The following CNTNAP2 variants were observed in gnomAD, a reference collection of about 807,000 sequenced individuals.
CNTNAP2 encodes the protein contactin associated protein 2.
A neutral mutation model predicts 155.2 loss-of-function variants in CNTNAP2; 98 were observed. That is an observed-to-expected ratio of 0.63 (90% CI 0.54 to 0.75). The LOEUF (loss-of-function observed/expected upper bound fraction) is 0.75. Among genes scored for constraint, CNTNAP2 ranks in the 30% least tolerant of loss-of-function variants. The probability of loss-of-function intolerance (pLI) is 0.00; values close to 1 mark genes in which losing one functional copy is unlikely to be tolerated. For missense variants in CNTNAP2, 1,727 were observed against 1,688.1 expected, an observed-to-expected ratio of 1.02 and a Z score of -0.40; for synonymous variants, 651 against 631.2, an observed-to-expected ratio of 1.03 and a Z score of -0.47.
chr7:146,547,702 A>G (rs1584975472), intron 1 of CNTNAP2, among the ~76,000 whole-genome samples: 1 of 151,900 alleles, frequency 6.6e-6, no homozygotes, highest in African/African-American at 2.4e-5. Context: ...GTGTGCGCTC[A>G]TCCATTAATG....
At chr7:146,662,141 CCTT>C (rs1236760070) in intron 1 of CNTNAP2, among the ~76,000 whole-genome samples, 7 of 151,264 alleles carry the variant, frequency 4.6e-5, no homozygotes, top group Admixed American at 4.6e-4. Flanking sequence ...CGTTTTCTCT[CCTT>C]TTTTTTTTTT....
intron 16 of CNTNAP2, among the ~76,000 whole-genome samples, chr7:148,145,217 T>C (rs1194522611): frequency 6.6e-6 from 1 of 152,198 alleles, no homozygotes; most frequent in Non-Finnish European, 1.5e-5. Flanking sequence ...TGAGTCCCTC[T>C]TACTGTATCC....
At chr7:146,635,502 G>A (rs1230628400) in intron 1 of CNTNAP2, among the ~76,000 whole-genome samples, 2 of 152,128 alleles carry the variant, frequency 1.3e-5, no homozygotes, top group African/African-American at 2.4e-5. Flanking sequence ...GTAGTCAATC[G>A]CCTCAGACAC....
Position 147,797,729 on chromosome 7 carries a change from T to C in CNTNAP2, c.2099-105836T>C, listed in dbSNP as rs547093700. 9.2e-5 allele frequency among the ~76,000 whole-genome samples: 14 copies of C among 152,274 alleles called. No homozygotes were observed. In the East Asian group the frequency reaches 1.9e-3, roughly 21 times the overall value. ...GCATATCCATTCTGAGAAATATCTT[T>C]TGTGTGATGTTCCAGCATAAATTAC... On this transcript the variant is annotated intron_variant, in intron 13 of 23. Coordinates refer to ENST00000361727, the MANE Select transcript of CNTNAP2 (RefSeq NM_014141.6).
chr7:146,431,002 T>C (rs1796165809), intron 1 of CNTNAP2, among the ~76,000 whole-genome samples: 1 of 152,032 alleles, frequency 6.6e-6, no homozygotes, highest in Non-Finnish European at 1.5e-5. Flanking sequence ...ATATCTGTTT[T>C]TCTAGACTAC....
chr7:146,187,377 G>T (rs1308469759), intron 1 of CNTNAP2, among the ~76,000 whole-genome samples: 4 of 152,184 alleles, frequency 2.6e-5, no homozygotes, highest in Non-Finnish European at 5.9e-5. Flanking sequence ...AGCAAAGGAA[G>T]TTCACCCACT....
chr7:146,234,853 T>A (rs1479287222), intron 1 of CNTNAP2, among the ~76,000 whole-genome samples: 1 of 152,240 alleles, frequency 6.6e-6, no homozygotes, highest in Admixed American at 6.5e-5. Flanking sequence ...CATAAGAAAC[T>A]GAGCATTTTA....
chr7:147,734,971 C>T (rs1407191179), intron 13 of CNTNAP2, among the ~76,000 whole-genome samples: 1 of 132,632 alleles, frequency 7.5e-6, no homozygotes, highest in Non-Finnish European at 1.6e-5. Flanking sequence ...AAACCAGCTC[C>T]TGGATTCATT....
At chr7:148,188,998 G>A (rs188921160) in intron 18 of CNTNAP2, among the ~76,000 whole-genome samples, 1 of 152,138 alleles carries the variant, frequency 6.6e-6, no homozygotes, top group East Asian at 1.9e-4. Flanking sequence ...TTTGCAAGTG[G>A]CATTTCAATA....
chr7:147,738,539 T>G (rs1796897407), intron 13 of CNTNAP2, among the ~76,000 whole-genome samples: 1 of 152,198 alleles, frequency 6.6e-6, no homozygotes, highest in East Asian at 1.9e-4. Flanking sequence ...AAGGCTCAAA[T>G]AATCATTGGC....
intron 3 of CNTNAP2, among the ~76,000 whole-genome samples, chr7:146,857,237 A>G (rs1795008885): frequency 1.3e-5 from 2 of 151,304 alleles, no homozygotes; most frequent in African/African-American, 2.4e-5. Context: ...GAGAGAGAGA[A>G]TGATAAACCA....
intron 10 of CNTNAP2, among the ~76,000 whole-genome samples, chr7:147,453,573 T>G (rs995383015): frequency 2.0e-5 from 3 of 152,180 alleles, no homozygotes; most frequent in African/African-American, 4.8e-5. Flanking sequence ...AGGCGTTATA[T>G]TCTACATTTC....
intron 9 of CNTNAP2, among the ~76,000 whole-genome samples, chr7:147,333,607 A>C (rs1795613917): frequency 6.6e-6 from 1 of 152,194 alleles, no homozygotes; most frequent in Admixed American, 6.5e-5. Context: ...GAGATGACTA[A>C]GTAAATATAA....
intron 13 of CNTNAP2, among the ~76,000 whole-genome samples, chr7:147,873,715 G>A (rs2710139): frequency 0.57 from 86,695 of 151,890 alleles, 25,303 homozygotes; most frequent in African/African-American, 0.69. Context: ...CCTTTCCAAC[G>A]GACCTCCAAA....
intron 8 of CNTNAP2, among the ~76,000 whole-genome samples, chr7:147,189,781 G>T (rs1802641994): frequency 6.6e-6 from 1 of 151,964 alleles, no homozygotes; most frequent in Admixed American, 6.5e-5. Context: ...GTCTCACTCT[G>T]TCGCCCAGGC....
At chr7:146,518,262 T>A (rs1220555315) in intron 1 of CNTNAP2, among the ~76,000 whole-genome samples, 1 of 151,756 alleles carries the variant, frequency 6.6e-6, no homozygotes, top group Non-Finnish European at 1.5e-5. Flanking sequence ...TTGAAAAAAA[T>A]ATAAGAATAC....
intron 15 of CNTNAP2, among the ~76,000 whole-genome samples, chr7:148,076,536 T>G (rs1226105798): frequency 6.9e-6 from 1 of 143,932 alleles, no homozygotes; most frequent in Non-Finnish European, 1.5e-5. Context: ...CCCAGGTTCA[T>G]GCCATTCTCC....
intron 10 of CNTNAP2, among the ~76,000 whole-genome samples, chr7:147,418,823 G>A (rs1584937803): frequency 1.3e-5 from 2 of 152,162 alleles, no homozygotes; most frequent in East Asian, 3.9e-4. Context: ...CTGCAAGTTA[G>A]GATAGAATCT....
chr7:147,416,084 G>A (rs1182351447), intron 10 of CNTNAP2, among the ~76,000 whole-genome samples: 6 of 152,104 alleles, frequency 3.9e-5, no homozygotes, highest in Non-Finnish European at 8.8e-5. Flanking sequence ...TTCTGTGATG[G>A]GCATATGTTG....
Sources: allele counts gnomAD v4.1 joint callset (sites outside exome capture counted in the v4.1 genomes callset), GRCh38; gene constraint gnomAD v4.1.1; transcripts MANE v1.5; gene names NCBI Gene and HGNC (gene_info 2026-07-23, HGNC 2026-07-21).